The following ELN variants were observed in gnomAD, a reference collection of about 807,000 sequenced individuals.
ELN encodes tropoelastin.
ELN carries 65 observed loss-of-function variants against 105.8 expected under a neutral mutation model. That is an observed-to-expected ratio of 0.61 (90% CI 0.50 to 0.75). The LOEUF (loss-of-function observed/expected upper bound fraction) is 0.75, where lower values mean the gene tolerates loss of function less well. Ranked by LOEUF, ELN falls within the 30% of genes least tolerant of loss-of-function variation. ELN has a pLI of 0.00. For missense variants in ELN, 882 were observed against 969.4 expected (o/e 0.91, Z 1.20); for synonymous variants, 368 against 389.2 (o/e 0.95, Z 0.64).
chr7:74,048,248 C>A (rs1554673780), intron 14 of ELN, 47 bp downstream of exon 14: 1 of 1,612,546 alleles, frequency 6.2e-7, no homozygotes, highest in East Asian at 2.2e-5. Flanking sequence ...CACTGATCTT[C>A]CAGGCTCCAG....
Position 74,063,652 on chromosome 7 carries a change from C to T in ELN, c.1950C>T (p.Leu650=), listed in dbSNP as rs373342218. The T allele has an allele frequency of 2.0e-5, 32 of 1,613,988 alleles. No homozygotes were observed. The Admixed American group carries it at 4.0e-4, about 20-fold the overall frequency. The part of the protein sequence containing the change: ...GLVGAAGLGG[L]GVGGLGVPGV... ...TGGGAGCCGCTGGGCTCGGAGGACT[C>T]GGAGTCGGAGGGCTTGGAGTTCCAG... Residue 650 remains leucine, a synonymous_variant, in exon 29 of 33, where the codon CTC becomes CTT. Transcript: ENST00000252034. The surrounding 1 kb of genome is among the most constrained non-coding windows in gnomAD (Gnocchi z 4.1).
intron 26 of ELN, chr7:74,062,345 C>T (rs1420726427): frequency 1.3e-5 from 2 of 152,244 alleles, no homozygotes; most frequent in East Asian, 1.9e-4. Flanking sequence ...GGTGGAGCCG[C>T]GAAGGGCGCA....
At chr7:74,042,227 C>T (rs1466658033) in intron 5 of ELN, among the ~76,000 whole-genome samples, 1 of 150,996 alleles carries the variant, frequency 6.6e-6, no homozygotes, top group Non-Finnish European at 1.5e-5. Context: ...CGAGACCAGC[C>T]TGGGCAACAT....
intron 8 of ELN, 38 bp from the exon 9 acceptor site, chr7:74,043,841 G>A: frequency 6.2e-7 from 1 of 1,612,936 alleles, no homozygotes; most frequent in Non-Finnish European, 8.5e-7. Flanking sequence ...CCTGGAGGCT[G>A]AGCTGCTGCT....
In ELN at chr7:74,033,742, G is replaced by A. The variant is rs1241036690; in HGVS notation, c.83-1622G>A. 3.9e-5 allele frequency among the ~76,000 whole-genome samples: 6 copies of A among 152,312 alleles called. No homozygotes were observed. The East Asian group carries it at 5.8e-4, about 15-fold the overall frequency. On this transcript the variant is annotated intron_variant, in intron 1 of 32. Coordinates refer to ENST00000252034, the MANE Select transcript of ELN (RefSeq NM_000501.4). ...CGTCGCCAGGCCTCAGAGGCCAGACGTCTGGCCGCGAGGCCTCCCTGGACA... is the reference window on the plus strand; with the variant it reads ...CGTCGCCAGGCCTCAGAGGCCAGACATCTGGCCGCGAGGCCTCCCTGGACA...
chr7:74,042,750 C>T lies in ELN; in HGVS notation c.325+44C>T, dbSNP rs376264267. ...GACATGCCACAAGCCCTCTGGCTTC[C>T]GTGGGGCCCTCCGCTTTGCAAAGAA... On this transcript the variant is annotated intron_variant, in intron 6 of 32. Coordinates refer to ENST00000252034, the MANE Select transcript of ELN (RefSeq NM_000501.4). The T allele has an allele frequency of 1.4e-5, 22 of 1,604,472 alleles. 1 individual carries two copies. Among genetic ancestry groups the T allele is most frequent in the South Asian group, 8.8e-5 (8 of 90,848 alleles).
At position 74,069,008 on chromosome 7, in the gene ELN, G is replaced by A. The variant is rs1003566132; in HGVS notation, c.*308G>A. ...TCTCCAGGGGAACTTGGTGCTACAC[G>A]CTGGTGCTCTTATCTTCCTGGGGGG... On this transcript the variant is annotated 3_prime_UTR_variant, in exon 33 of 33. Coordinates refer to ENST00000252034, the MANE Select transcript of ELN (RefSeq NM_000501.4). The A allele has an allele frequency of 1.9e-5, 9 of 478,024 alleles. No individual in the cohort carries two copies. Among genetic ancestry groups the A allele is most frequent in the African/African-American group, 3.9e-5 (2 of 51,772 alleles). 29.6% of individuals were successfully genotyped at this position (478,024 alleles called of 1,614,324 possible).
chr7:74,042,921 C>T (rs2131448937), intron 6 of ELN, 63 bp from the exon 7 acceptor site: 1 of 1,613,406 alleles, frequency 6.2e-7, no homozygotes. Flanking sequence ...CAGCATGCAG[C>T]CCCGGGCCCT....
At chr7:74,051,629 C>T in intron 15 of ELN, 121 bp from the exon 16 acceptor site, 1 of 1,074,852 alleles carries the variant, frequency 9.3e-7, no homozygotes, top group South Asian at 1.5e-5. Flanking sequence ...CATCTGGAGA[C>T]ACCCGGGCCC....
chr7:74,030,600 T>C (rs1788458152), intron 1 of ELN, among the ~76,000 whole-genome samples: 1 of 152,070 alleles, frequency 6.6e-6, no homozygotes, highest in South Asian at 2.1e-4. Context: ...GGTCTCGCTG[T>C]GTTGTCCAGG....
chr7:74,038,790 T>G (rs1025237865), intron 4 of ELN, among the ~76,000 whole-genome samples: 3 of 152,188 alleles, frequency 2.0e-5, no homozygotes, highest in Non-Finnish European at 4.4e-5. Flanking sequence ...CAAGTGCAAA[T>G]GAATCTTCAA....
At chr7:74,053,442 G>A (rs1053142341) in intron 18 of ELN, 133 bp downstream of exon 18, 27 of 1,507,568 alleles carry the variant, frequency 1.8e-5, no homozygotes, top group Admixed American at 9.9e-5. Context: ...CCTTGACCAC[G>A]TCTCATCCCC....
At chr7:74,045,128 A>C (rs1210601166) in intron 9 of ELN, 94 bp from the exon 10 acceptor site, 4 of 1,429,406 alleles carry the variant, frequency 2.8e-6, no homozygotes, top group Non-Finnish European at 3.9e-6. Context: ...GTCAGTCCCA[A>C]GGGAGGTCAG....
chr7:74,060,988 T>G, intron 25 of ELN, 113 bp from the exon 26 acceptor site: 3 of 1,292,656 alleles, frequency 2.3e-6, no homozygotes, highest in Non-Finnish European at 3.4e-6. Flanking sequence ...TTCAGGGCTT[T>G]GAGGAAGCAA....
At position 74,037,757 on chromosome 7, in the gene ELN, G is replaced by A. The variant is rs374473857; in HGVS notation, c.196+18G>A. The A allele has an allele frequency of 1.7e-4, 278 of 1,610,180 alleles. No homozygotes were observed. Among genetic ancestry groups the A allele is most frequent in the Non-Finnish European group, 2.2e-4 (261 of 1,178,422 alleles). ...TAAGCCAGGTAAGACCCAAGGCCTC[G>A]GAGCATTGAGAGACAGCGAGGGAGC... On this transcript the variant is annotated intron_variant, in intron 4 of 32. Coordinates refer to ENST00000252034, the MANE Select transcript of ELN (RefSeq NM_000501.4).
chr7:74,050,818 C>G (rs1583848062), intron 15 of ELN, among the ~76,000 whole-genome samples: 1 of 151,908 alleles, frequency 6.6e-6, no homozygotes, highest in African/African-American at 2.4e-5. Flanking sequence ...GAAAGGCTTC[C>G]CAGAGAAAGT....
chr7:74,048,376 C>T (rs926142959), intron 14 of ELN, 127 bp from the exon 15 acceptor site: 2 of 1,511,546 alleles, frequency 1.3e-6, no homozygotes, highest in Non-Finnish European at 1.8e-6. Context: ...TCAGCCTCTG[C>T]CTACTCTGAA....
At position 74,060,409 on chromosome 7, in the gene ELN, G is replaced by A. The variant is rs1278597458; in HGVS notation, c.1655G>A (p.Gly552Glu). ...GCTGGGCTTGGTGCTGGCATCCCTG[G>A]ACTTGGAGTTGGTGTCGGCGTCCCT... ...AAAGLGAGIP[G>E]LGVGVGVPGL... The change falls in exon 25 of 33, where the codon GGA becomes GAA. Residue 552 changes from glycine (G) to glutamate (E), a missense_variant. Coordinates refer to ENST00000252034, the MANE Select transcript of ELN (RefSeq NM_000501.4). 3 of 1,614,042 alleles carry A rather than the reference G, an allele frequency of 1.9e-6. No homozygotes were observed. Among genetic ancestry groups the A allele is most frequent in the Middle Eastern group, 1.6e-4 (1 of 6,062 alleles).
chr7:74,061,240 G>A (rs552210136), intron 26 of ELN, 101 bp downstream of exon 26: 2 of 1,476,476 alleles, frequency 1.4e-6, no homozygotes, highest in Non-Finnish European at 1.9e-6. Flanking sequence ...GTTTCGGCCG[G>A]GCGTGGTGGC....
Sources: gnomAD v4.1 joint callset for allele counts (sites outside exome capture counted in the v4.1 genomes callset) on GRCh38, gnomAD v4.1.1 for gene constraint, Gnocchi (gnomAD v3.1) non-coding constraint, MANE v1.5 for transcripts, NCBI Gene and HGNC (gene_info 2026-07-23, HGNC 2026-07-21) for gene names.